Variants in SIX2 observed in about 807,000 individuals in gnomAD.
The protein encoded by SIX2 is SIX homeobox 2.
In SIX2, 20 loss-of-function variants were observed where a neutral mutation model predicts 22.8. That is an observed-to-expected ratio of 0.88 (90% CI 0.62 to 1.28). The LOEUF (loss-of-function observed/expected upper bound fraction) is 1.28, where lower values mean the gene tolerates loss of function less well. Ranked by LOEUF, SIX2 falls within the 50% of genes most tolerant of loss-of-function variation. The pLI, the probability that SIX2 is intolerant of heterozygous loss-of-function variation, is 0.00. For missense variants in SIX2, 360 were observed against 400.0 expected, an observed-to-expected ratio of 0.90 and a Z score of 0.85; for synonymous variants, 195 against 186.4, an observed-to-expected ratio of 1.05 and a Z score of -0.37.
Position 45,005,918 on chromosome 2 carries a change from T to C in SIX2, c.*252A>G, listed in dbSNP as rs1667744945. On this transcript the variant is annotated 3_prime_UTR_variant, in exon 2 of 2. Coordinates refer to ENST00000303077, the MANE Select transcript of SIX2 (RefSeq NM_016932.5). ...GGAGAGAGAGAATGACAGTGGTGTA[T>C]AATTTATTCCCTTCTGTGGTTCAAG... The C allele has an allele frequency of 3.3e-6, 2 of 602,408 alleles. No individual in the cohort carries two copies. Among genetic ancestry groups the C allele is most frequent in the South Asian group, 1.9e-5 (1 of 51,386 alleles). The allele number at this position is 602,408 out of a possible 1,614,324, so 37.3% of individuals were successfully genotyped here. A position where few individuals can be genotyped will look rare whatever the true frequency, so the allele number is the denominator to read the frequency against.
chr2:45,008,832 G>A lies in SIX2; in HGVS notation c.279C>T (p.Ile93=). The change falls in exon 1 of 2, where the codon ATC becomes ATT. Residue 93 remains isoleucine, a synonymous_variant. Coordinates refer to ENST00000303077, the MANE Select transcript of SIX2 (RefSeq NM_016932.5). ...LQQLWLKAHY[I]EAEKLRGRPL... ...GTCGGCCGCGCAGCTTCTCCGCCTCGATGTAGTGTGCCTTGAGCCACAGCT... is the reference window on the plus strand; with the variant it reads ...GTCGGCCGCGCAGCTTCTCCGCCTCAATGTAGTGTGCCTTGAGCCACAGCT... 6.2e-7 allele frequency: 1 copy of A among 1,613,936 alleles called. No individual in the cohort carries two copies.
At position 45,009,276 on chromosome 2, in the gene SIX2, G is replaced by A. The variant is rs1217674744; in HGVS notation, c.-166C>T. The A allele has an allele frequency of 5.6e-5, 23 of 412,808 alleles. No homozygotes were observed. In the East Asian group the frequency reaches 1.3e-3, roughly 23 times the overall value. 25.6% of individuals were successfully genotyped at this position (412,808 alleles called of 1,614,324 possible). On this transcript the variant is annotated 5_prime_UTR_variant, in exon 1 of 2. Coordinates refer to ENST00000303077, the MANE Select transcript of SIX2 (RefSeq NM_016932.5). ...CCGAGTCACTGCCGTACGTCCCCGC[G>A]CCGGCCGCGGGTCCCACGAAGCTCC...
At chr2:45,008,400 A>T in intron 1 of SIX2, 151 bp downstream of exon 1, 1 of 789,646 alleles carries the variant, frequency 1.3e-6, no homozygotes, top group Non-Finnish European at 2.1e-6. Flanking sequence ...AGAAAGGCCT[A>T]AGCATCGTCC....
At chr2:45,008,481 G>A in intron 1 of SIX2, 70 bp downstream of exon 1, 1 of 1,529,908 alleles carries the variant, frequency 6.5e-7, no homozygotes. Flanking sequence ...CGGGGGACCG[G>A]CAGAAGCCCT....
Position 45,009,153 on chromosome 2 carries a change from G to C in SIX2, c.-43C>G. ...CGCCCGCCCGCGCGCGCCCTCACCG[G>C]GCCGCGCGGTCCCGCATGGGAGCTT... On this transcript the variant is annotated 5_prime_UTR_variant, in exon 1 of 2. Coordinates refer to ENST00000303077, the MANE Select transcript of SIX2 (RefSeq NM_016932.5). The C allele has an allele frequency of 6.8e-7, 1 of 1,481,306 alleles. No homozygotes were observed. 91.8% of individuals were successfully genotyped at this position (1,481,306 alleles called of 1,614,324 possible).
Position 45,007,308 on chromosome 2 carries a change from C to G in SIX2, c.561-823G>C, listed in dbSNP as rs1469302418. Among the ~76,000 whole-genome samples, 3 of 152,164 alleles carry G rather than the reference C, an allele frequency of 2.0e-5. No individual in the cohort carries two copies. In the East Asian group the frequency reaches 5.8e-4, roughly 29 times the overall value. The stretch of plus-strand genomic sequence containing the variant: ...GGTTTTCAGGAGTCTGATCACATGC[C>G]GGTTTGGGTGGAGGGGGACCCAGCA... On this transcript the variant is annotated intron_variant, in intron 1 of 1. Coordinates refer to ENST00000303077, the MANE Select transcript of SIX2 (RefSeq NM_016932.5).
Position 45,006,415 on chromosome 2 carries a change from T to C in SIX2, c.631A>G (p.Ser211Gly), listed in dbSNP as rs1351919311. 3.7e-6 allele frequency: 6 copies of C among 1,614,192 alleles called. No individual in the cohort carries two copies. The highest frequency in any genetic ancestry group is 2.7e-5 in the African/African-American group (2 of 75,054). ...GATGGAGTCTTCTCATCCTCCGAGC[T>C]GCCTAACACCGACTTGCCGCTGCCA... ...LNGSGKSVLG[S>G]SEDEKTPSGT... is the part of the protein sequence containing the mutation. Residue 211 changes from serine (S) to glycine (G), a missense_variant, in exon 2 of 2, where the codon AGC (serine) becomes GGC (glycine). Physicochemically the swap from Ser to Gly is moderately conservative, Grantham distance 56 (BLOSUM62 0). Around this residue, in one of 3 missense-constraint regions of SIX2, gnomAD observed 235 missense variants for 231.9 expected, o/e 1.01. Coordinates refer to ENST00000303077, the MANE Select transcript of SIX2 (RefSeq NM_016932.5). This position sits in a 1 kb window ranked among gnomAD's most constrained non-coding sequence, Gnocchi z 4.2.
chr2:45,007,376 C>T (rs1363981985), intron 1 of SIX2, among the ~76,000 whole-genome samples: 2 of 152,118 alleles, frequency 1.3e-5, no homozygotes, highest in African/African-American at 4.8e-5. Context: ...GACAGCTCCT[C>T]CCCAGATTTG....
At position 45,008,564 on chromosome 2, in the gene SIX2, C is replaced by T. The variant is rs777958524; in HGVS notation, c.547G>A (p.Glu183Lys). ...ACTTACTCGTACCTTTCCTTGGCCTCGGCCGCCCGGTCGCGCTGCCGCCGG... is the reference window on the plus strand; with the variant it reads ...ACTTACTCGTACCTTTCCTTGGCCTTGGCCGCCCGGTCGCGCTGCCGCCGG... ...KNRRQRDRAA[E>K]AKERENNENS... is the part of the protein sequence containing the mutation. Residue 183 changes from glutamate to lysine, a missense_variant, in exon 1 of 2, where the codon GAG (glutamate) becomes AAG (lysine). Coordinates refer to ENST00000303077, the MANE Select transcript of SIX2 (RefSeq NM_016932.5). 4 of 1,613,768 alleles carry T rather than the reference C, an allele frequency of 2.5e-6. No homozygotes were observed. Among genetic ancestry groups the T allele is most frequent in the Admixed American group, 1.7e-5 (1 of 60,036 alleles).
Position 45,008,853 on chromosome 2 carries a change from C to A in SIX2, c.258G>T (p.Leu86=), listed in dbSNP as rs1667818057. 6.2e-7 allele frequency: 1 copy of A among 1,613,866 alleles called. No homozygotes were observed. The highest frequency in any genetic ancestry group is 1.7e-5 in the Admixed American group (1 of 60,010). ...SPHNHAKLQQ[L]WLKAHYIEAE... The stretch of plus-strand genomic sequence containing the variant: ...CCTCGATGTAGTGTGCCTTGAGCCA[C>A]AGCTGCTGCAGCTTGGCGTGGTTGT... The change falls in exon 1 of 2, where the codon CTG becomes CTT. Residue 86 remains leucine, a synonymous_variant. Coordinates refer to ENST00000303077, the MANE Select transcript of SIX2 (RefSeq NM_016932.5).
In SIX2 at chr2:45,006,975, C is replaced by T. The variant is rs1244484988; in HGVS notation, c.561-490G>A. On this transcript the variant is annotated intron_variant, in intron 1 of 1. Transcript: ENST00000303077. This position sits in a 1 kb window ranked among gnomAD's most constrained non-coding sequence, Gnocchi z 4.2. Reference sequence around the variant, plus strand: ...AAGGGATTTAGGGCCTCTCACAAGACTTCATTTCCCTTTGCTTTTTCTGCC... The same window carrying T: ...AAGGGATTTAGGGCCTCTCACAAGATTTCATTTCCCTTTGCTTTTTCTGCC... Among the ~76,000 whole-genome samples, 1 of 152,180 alleles carries T rather than the reference C, an allele frequency of 6.6e-6. No individual in the cohort carries two copies. Among genetic ancestry groups the T allele is most frequent in the African/African-American group, 2.4e-5 (1 of 41,446 alleles).
In SIX2 at chr2:45,009,308, C is replaced by T. The variant is rs899422565; in HGVS notation, c.-198G>A. On this transcript the variant is annotated 5_prime_UTR_variant, in exon 1 of 2. An upstream open reading frame in the 5' UTR gains an earlier in-frame stop. Transcript: ENST00000303077. Reference sequence around the variant, plus strand: ...GCGGGTCCCACGAAGCTCCGAACCCCAACGGCCCGCGCGCCTGGCCCAAGC... The same window carrying T: ...GCGGGTCCCACGAAGCTCCGAACCCTAACGGCCCGCGCGCCTGGCCCAAGC... 2 of 280,264 alleles carry T rather than the reference C, an allele frequency of 7.1e-6. No homozygotes were observed. Among genetic ancestry groups the T allele is most frequent in the African/African-American group, 2.3e-5 (1 of 44,252 alleles). 17.4% of individuals were successfully genotyped at this position (280,264 alleles called of 1,614,324 possible).
Position 45,005,802 on chromosome 2 carries a change from CAGAA to C in SIX2, c.*364_*367del, listed in dbSNP as rs927369814. On this transcript the variant is annotated 3_prime_UTR_variant, in exon 2 of 2. Transcript: ENST00000303077. ...AGCAATACAAGGAGAGGGAGAAAGA[CAGAA>C]AGCAGAAAAAAGAAAAGAGAAGGAA... 1.6e-4 allele frequency: 59 copies of C among 372,432 alleles called. No homozygotes were observed. Among genetic ancestry groups the C allele is most frequent in the Non-Finnish European group, 2.3e-4 (45 of 198,018 alleles). The allele number at this position is 372,432 out of a possible 1,614,324, so 23.1% of individuals were successfully genotyped here.
At position 45,009,247 on chromosome 2, in the gene SIX2, A is replaced by T; in HGVS notation, c.-137T>A. On this transcript the variant is annotated 5_prime_UTR_variant, in exon 1 of 2. Coordinates refer to ENST00000303077, the MANE Select transcript of SIX2 (RefSeq NM_016932.5). ...CCTGGCCCGGCACTGGCCCCCGGTGAGCCCCGAGTCACTGCCGTACGTCCC... is the reference window on the plus strand; with the variant it reads ...CCTGGCCCGGCACTGGCCCCCGGTGTGCCCCGAGTCACTGCCGTACGTCCC... 1.6e-6 allele frequency: 1 copy of T among 610,188 alleles called. No individual in the cohort carries two copies. The highest frequency in any genetic ancestry group is 2.3e-6 in the Non-Finnish European group (1 of 442,730). The allele number at this position is 610,188 out of a possible 1,614,324, so 37.8% of individuals were successfully genotyped here. A position where few individuals can be genotyped will look rare whatever the true frequency, so the allele number is the denominator to read the frequency against.
At chr2:45,007,209 G>A (rs990533258) in intron 1 of SIX2, among the ~76,000 whole-genome samples, 2 of 152,284 alleles carry the variant, frequency 1.3e-5, no homozygotes, top group South Asian at 2.1e-4. Context: ...CTGGGAGAAG[G>A]CCGAGGCTTT....
chr2:45,007,889 G>C (rs999251760), intron 1 of SIX2, among the ~76,000 whole-genome samples: 7 of 152,144 alleles, frequency 4.6e-5, no homozygotes, highest in Non-Finnish European at 1.0e-4. Context: ...GAGGCATCAA[G>C]GGCCTGGAGT....
In SIX2 at chr2:45,009,230, G is replaced by C; in HGVS notation, c.-120C>G. On this transcript the variant is annotated 5_prime_UTR_variant, in exon 1 of 2. Transcript: ENST00000303077. ...GCGGGCGGGGCTGGCCCCCTGGCCC[G>C]GCACTGGCCCCCGGTGAGCCCCGAG... The C allele has an allele frequency of 1.3e-6, 1 of 773,276 alleles. No individual in the cohort carries two copies. Among genetic ancestry groups the C allele is most frequent in the Non-Finnish European group, 1.7e-6 (1 of 585,672 alleles). 47.9% of individuals were successfully genotyped at this position (773,276 alleles called of 1,614,324 possible).
intron 1 of SIX2, 60 bp downstream of exon 1, chr2:45,008,491 T>A: frequency 1.9e-6 from 3 of 1,569,884 alleles, no homozygotes; most frequent in Non-Finnish European, 2.6e-6. Flanking sequence ...GCAGAAGCCC[T>A]GCGAACCCCT....
chr2:45,008,637 C>T lies in SIX2; in HGVS notation c.474G>A (p.Ala158=), dbSNP rs1248702754. Residue 158 remains alanine (A), a synonymous_variant, in exon 1 of 2, where the codon GCG becomes GCA. Transcript: ENST00000303077. ...YPSPREKREL[A]EATGLTTTQV... Reference sequence around the variant, plus strand: ...GTGTGGTGGTGAGGCCCGTGGCCTCCGCCAGCTCACGCTTCTCGCGGGGTG... The same window carrying T: ...GTGTGGTGGTGAGGCCCGTGGCCTCTGCCAGCTCACGCTTCTCGCGGGGTG... 1 of 1,613,938 alleles carries T rather than the reference C, an allele frequency of 6.2e-7. No individual in the cohort carries two copies.
Sources: allele counts gnomAD v4.1 joint callset (sites outside exome capture counted in the v4.1 genomes callset), GRCh38; gene constraint gnomAD v4.1.1; regional missense constraint gnomAD v4.1.1; non-coding constraint Gnocchi (gnomAD v3.1); transcripts MANE v1.5; gene names NCBI Gene and HGNC (gene_info 2026-07-23, HGNC 2026-07-21).